The following CRABP2 variants were observed in gnomAD, a reference collection of about 807,000 sequenced individuals.
CRABP2 encodes cellular retinoic acid binding protein 2, also known as cellular retinoic acid-binding protein 2.
Under a neutral mutation model 17.9 loss-of-function variants are expected in CRABP2, and 20 were observed. The ratio of observed to expected loss-of-function variants is 1.12; its 90% CI spans 0.79 to 1.63. The LOEUF is 1.63. Among genes scored for constraint, CRABP2 ranks in the 40% most tolerant of loss-of-function variants. The probability of loss-of-function intolerance (pLI) is 0.00; values close to 1 mark genes in which losing one functional copy is unlikely to be tolerated. For missense variants in CRABP2, 151 were observed against 168.6 expected (o/e 0.90, Z 0.58); for synonymous variants, 76 against 66.4 (o/e 1.14, Z -0.70).
At chr1:156,704,360 C>G (rs892546792) in intron 1 of CRABP2, among the ~76,000 whole-genome samples, 1 of 152,134 alleles carries the variant, frequency 6.6e-6, no homozygotes. Flanking sequence ...CCCTCTCGCC[C>G]AACCCAGCCG....
intron 1 of CRABP2, among the ~76,000 whole-genome samples, chr1:156,701,374 C>A (rs1648028753): frequency 6.6e-6 from 1 of 152,048 alleles, no homozygotes; most frequent in Non-Finnish European, 1.5e-5. Context: ...CTCTTCAGTC[C>A]CAGAATGCCC....
Position 156,700,667 on chromosome 1 carries a change from G to C in CRABP2, c.250-9C>G, listed in dbSNP as rs1558006826. ...TCCCATTTCACCAGGCTCTGCAAGAGACAGGTGGCCAAGTGAGCTGGGCCC... is the reference window on the plus strand; with the variant it reads ...TCCCATTTCACCAGGCTCTGCAAGACACAGGTGGCCAAGTGAGCTGGGCCC... On this transcript the variant is annotated splice_polypyrimidine_tract_variant and intron_variant, in intron 2 of 3. Coordinates refer to ENST00000368222, the MANE Select transcript of CRABP2 (RefSeq NM_001878.4). 6.2e-7 allele frequency: 1 copy of C among 1,612,608 alleles called. No individual in the cohort carries two copies. The highest frequency in any genetic ancestry group is 8.5e-7 in the Non-Finnish European group (1 of 1,178,644).
Position 156,700,656 on chromosome 1 carries a change from G to A in CRABP2, c.252C>T (p.Ser84=), listed in dbSNP as rs758929456. The A allele has an allele frequency of 6.2e-7, 1 of 1,613,362 alleles. No individual in the cohort carries two copies. Among genetic ancestry groups the A allele is most frequent in the East Asian group, 2.2e-5 (1 of 44,872 alleles). Residue 84 remains serine, a splice_region_variant and synonymous_variant, in exon 3 of 4, where the codon AGC becomes AGT. Transcript: ENST00000368222. ...TATTCTCACTCTCCCATTTCACCAG[G>A]CTCTGCAAGAGACAGGTGGCCAAGT... The part of the protein sequence containing the change: ...EQTVDGRPCK[S]LVKWESENKM...
chr1:156,700,438 G>A (rs1647993940), intron 3 of CRABP2, 104 bp downstream of exon 3: 2 of 894,206 alleles, frequency 2.2e-6, no homozygotes, highest in East Asian at 2.4e-5. Context: ...AGGGTGCGGA[G>A]TCCAGCCATG....
chr1:156,701,057 G>T lies in CRABP2; in HGVS notation c.71-5C>A, dbSNP rs1254203618. 1 of 1,613,454 alleles carries T rather than the reference G, an allele frequency of 6.2e-7. No homozygotes were observed. The highest frequency in any genetic ancestry group is 8.5e-7 in the Non-Finnish European group (1 of 1,179,732). Reference sequence around the variant, plus strand: ...TCCTCAGCATCACATTCACCCCTGTGGGGAGAGAGGAGAGGCTCACCTTTT... The same window carrying T: ...TCCTCAGCATCACATTCACCCCTGTTGGGAGAGAGGAGAGGCTCACCTTTT... On this transcript the variant is annotated splice_polypyrimidine_tract_variant and splice_region_variant and intron_variant, in intron 1 of 3. Transcript: ENST00000368222.
chr1:156,705,734 C>T (rs12021737), upstream of CRABP2: 7,539 of 410,470 alleles, frequency 0.018, 364 homozygotes, highest in East Asian at 0.11. This position sits in a 1 kb window ranked among gnomAD's most constrained non-coding sequence, Gnocchi z 5.2. Flanking sequence ...GCGTGTGGGT[C>T]CAGGCTTCTC....
rs765620678 is a variant in CRABP2, at chr1:156,700,505, C to G, written c.366+37G>C. The G allele has an allele frequency of 1.3e-5, 20 of 1,519,240 alleles. No individual in the cohort carries two copies. The South Asian group carries it at 2.1e-4, about 16-fold the overall frequency. The allele number at this position is 1,519,240 out of a possible 1,614,324, so 94.1% of individuals were successfully genotyped here. On this transcript the variant is annotated intron_variant, in intron 3 of 3. Coordinates refer to ENST00000368222, the MANE Select transcript of CRABP2 (RefSeq NM_001878.4). ...TCCCAGAGAATCTTGGAAGGTAGCA[C>G]TGGGTTTGCTATTAGTGGGGAGGAG...
intron 1 of CRABP2, among the ~76,000 whole-genome samples, chr1:156,704,187 G>A (rs956927246): frequency 6.6e-6 from 1 of 152,220 alleles, no homozygotes; most frequent in Admixed American, 6.5e-5. Flanking sequence ...CAAGGACAGA[G>A]CAAGAAAGAC....
At chr1:156,700,121 C>T (rs1487592763) in intron 3 of CRABP2, 45 bp from the exon 4 acceptor site, 2 of 1,600,096 alleles carry the variant, frequency 1.2e-6, no homozygotes, top group Non-Finnish European at 1.7e-6. Flanking sequence ...CCCCTGGGGT[C>T]CTGTGGCTTT....
chr1:156,705,512 C>A lies in CRABP2; in HGVS notation c.-66G>T. 2 of 1,557,642 alleles carry A rather than the reference C, an allele frequency of 1.3e-6. No individual in the cohort carries two copies. The highest frequency in any genetic ancestry group is 2.2e-5 in the South Asian group (2 of 89,960). The stretch of plus-strand genomic sequence containing the variant: ...GGAGCACTGGACACTGTCTTTTAGT[C>A]AAAAGAGACGTCGCCGTCGCCGGGT... On this transcript the variant is annotated 5_prime_UTR_variant, in exon 1 of 4. Coordinates refer to ENST00000368222, the MANE Select transcript of CRABP2 (RefSeq NM_001878.4). The surrounding 1 kb of genome is among the most constrained non-coding windows in gnomAD (Gnocchi z 5.2).
chr1:156,699,754 T>G lies in CRABP2; in HGVS notation c.*272A>C, dbSNP rs916562418. 2 of 472,436 alleles carry G rather than the reference T, an allele frequency of 4.2e-6. No individual in the cohort carries two copies. The highest frequency in any genetic ancestry group is 7.7e-6 in the Non-Finnish European group (2 of 259,870). The allele number at this position is 472,436 out of a possible 1,614,324, so 29.3% of individuals were successfully genotyped here. On this transcript the variant is annotated 3_prime_UTR_variant, in exon 4 of 4. Coordinates refer to ENST00000368222, the MANE Select transcript of CRABP2 (RefSeq NM_001878.4). ...TAGAGAGACCCTGCTCTGGGCTGGT[T>G]TGGGGCTAGGACTGCTGACTTGGGG...
At chr1:156,703,589 C>T (rs1250880978) in intron 1 of CRABP2, among the ~76,000 whole-genome samples, 2 of 152,084 alleles carry the variant, frequency 1.3e-5, no homozygotes, top group Admixed American at 1.3e-4. Flanking sequence ...GACCTGGGTT[C>T]CTAGAGAAAC....
In CRABP2 at chr1:156,699,890, T is replaced by A; in HGVS notation, c.*136A>T. The A allele has an allele frequency of 1.2e-6, 1 of 845,718 alleles. No homozygotes were observed. Among genetic ancestry groups the A allele is most frequent in the Non-Finnish European group, 1.9e-6 (1 of 534,056 alleles). 52.4% of individuals were successfully genotyped at this position (845,718 alleles called of 1,614,324 possible). A position where few individuals can be genotyped will look rare whatever the true frequency, so the allele number is the denominator to read the frequency against. On this transcript the variant is annotated 3_prime_UTR_variant, in exon 4 of 4. Transcript: ENST00000368222. ...AGAAAGCAAGACCCTGCAAGAGGCA[T>A]CCCAGTGACCCCCAGAAGTGACTGG... is the stretch of plus-strand genomic sequence containing the variant.
chr1:156,705,321 T>C lies in CRABP2; in HGVS notation c.70+56A>G. 1 of 1,581,822 alleles carries C rather than the reference T, an allele frequency of 6.3e-7. No homozygotes were observed. Among genetic ancestry groups the C allele is most frequent in the South Asian group, 1.1e-5 (1 of 90,450 alleles). ...TCCCGCTGTCTTTCTCATCCCCAAC[T>C]TCGAGGACTCCAGAGCCCCCCCTTG... On this transcript the variant is annotated intron_variant, in intron 1 of 3. Transcript: ENST00000368222. This position sits in a 1 kb window ranked among gnomAD's most constrained non-coding sequence, Gnocchi z 5.2.
Position 156,705,298 on chromosome 1 carries a change from C to A in CRABP2, c.70+79G>T. On this transcript the variant is annotated intron_variant, in intron 1 of 3. Transcript: ENST00000368222. This position sits in a 1 kb window ranked among gnomAD's most constrained non-coding sequence, Gnocchi z 5.2. The stretch of plus-strand genomic sequence containing the variant: ...AGTGTCTCACGCCCTGATTGTGGTC[C>A]CGCTGTCTTTCTCATCCCCAACTTC... 6.7e-7 allele frequency: 1 copy of A among 1,484,340 alleles called. No individual in the cohort carries two copies. The highest frequency in any genetic ancestry group is 9.4e-7 in the Non-Finnish European group (1 of 1,062,634). The allele number at this position is 1,484,340 out of a possible 1,614,324, so 91.9% of individuals were successfully genotyped here.
At position 156,705,338 on chromosome 1, in the gene CRABP2, C is replaced by A. The variant is rs780540644; in HGVS notation, c.70+39G>T. ...TCCCCAACTTCGAGGACTCCAGAGC[C>A]CCCCCTTGCCCCACCTGGGCCCTCG... On this transcript the variant is annotated intron_variant, in intron 1 of 3. Transcript: ENST00000368222. This position sits in a 1 kb window ranked among gnomAD's most constrained non-coding sequence, Gnocchi z 5.2. 2 of 1,608,046 alleles carry A rather than the reference C, an allele frequency of 1.2e-6. No homozygotes were observed. Among genetic ancestry groups the A allele is most frequent in the East Asian group, 2.2e-5 (1 of 44,846 alleles).
At chr1:156,700,414 G>A (rs1647992495) in intron 3 of CRABP2, 128 bp downstream of exon 3, 1 of 757,382 alleles carries the variant, frequency 1.3e-6, no homozygotes, top group South Asian at 1.6e-5. Flanking sequence ...TTCTGTTCAA[G>A]CAGTCCCATC....
At position 156,705,341 on chromosome 1, in the gene CRABP2, C is replaced by G. The variant is rs200159911; in HGVS notation, c.70+36G>C. The G allele has an allele frequency of 3.1e-6, 5 of 1,611,062 alleles. No individual in the cohort carries two copies. The highest frequency in any genetic ancestry group is 2.7e-5 in the African/African-American group (2 of 75,028). Reference sequence around the variant, plus strand: ...CCAACTTCGAGGACTCCAGAGCCCCCCCTTGCCCCACCTGGGCCCTCGAAC... The same window carrying G: ...CCAACTTCGAGGACTCCAGAGCCCCGCCTTGCCCCACCTGGGCCCTCGAAC... On this transcript the variant is annotated intron_variant, in intron 1 of 3. Transcript: ENST00000368222. This position sits in a 1 kb window ranked among gnomAD's most constrained non-coding sequence, Gnocchi z 5.2.
intron 1 of CRABP2, among the ~76,000 whole-genome samples, chr1:156,701,619 A>C (rs1648035167): frequency 6.6e-6 from 1 of 151,906 alleles, no homozygotes; most frequent in African/African-American, 2.4e-5. Context: ...ATAGGTCTTC[A>C]TTTGCCCAAT....
Sources: allele counts gnomAD v4.1 joint callset (sites outside exome capture counted in the v4.1 genomes callset), GRCh38; gene constraint gnomAD v4.1.1; non-coding constraint Gnocchi (gnomAD v3.1); transcripts MANE v1.5; gene names NCBI Gene and HGNC (gene_info 2026-07-23, HGNC 2026-07-21).